The following ZFAND6 variants were observed in gnomAD, a reference collection of about 807,000 sequenced individuals.
ZFAND6 encodes zinc finger AN1-type containing 6, also known as AN1-type zinc finger protein 6.
ZFAND6 carries 12 observed loss-of-function variants against 24.5 expected under a neutral mutation model. The observed-to-expected ratio is 0.49, with a 90% CI of 0.31 to 0.79. The LOEUF (loss-of-function observed/expected upper bound fraction) is 0.79, where lower values mean the gene tolerates loss of function less well. Among genes scored for constraint, ZFAND6 ranks in the 30% least tolerant of loss-of-function variants. ZFAND6 has a pLI of 0.04. For missense variants in ZFAND6, 207 were observed against 245.9 expected (o/e 0.84, Z 1.06); for synonymous variants, 92 against 81.5 (o/e 1.13, Z -0.69).
At chr15:80,085,508 C>G (rs899013971) in intron 1 of ZFAND6, among the ~76,000 whole-genome samples, 2 of 152,176 alleles carry the variant, frequency 1.3e-5, no homozygotes, top group Non-Finnish European at 2.9e-5. Flanking sequence ...AAAACAGTTC[C>G]ACTTCTGAAC....
At chr15:80,080,347 T>G (rs2037587098) in intron 1 of ZFAND6, among the ~76,000 whole-genome samples, 1 of 152,206 alleles carries the variant, frequency 6.6e-6, no homozygotes, top group Non-Finnish European at 1.5e-5. Flanking sequence ...AAATTATATA[T>G]ACAGTAGTTG....
intron 1 of ZFAND6, chr15:80,072,417 T>G (rs1349758390): frequency 6.6e-6 from 1 of 151,758 alleles, no homozygotes; most frequent in African/African-American, 2.4e-5. Context: ...ATCCAGGAGG[T>G]TTTAGTGTGT....
At chr15:80,114,694 G>T (rs907782437) in intron 2 of ZFAND6, among the ~76,000 whole-genome samples, 2 of 152,116 alleles carry the variant, frequency 1.3e-5, no homozygotes, top group Non-Finnish European at 2.9e-5. Flanking sequence ...AGTTTATGTT[G>T]CCATCATTAC....
intron 1 of ZFAND6, among the ~76,000 whole-genome samples, chr15:80,080,060 G>T (rs2037561101): frequency 1.3e-5 from 2 of 151,384 alleles, no homozygotes; most frequent in East Asian, 1.9e-4. Context: ...GTGCAGTGGT[G>T]CAATCTCCAG....
At chr15:80,135,626 T>A (rs2040826997) in intron 6 of ZFAND6, among the ~76,000 whole-genome samples, 1 of 152,180 alleles carries the variant, frequency 6.6e-6, no homozygotes, top group South Asian at 2.1e-4. Context: ...AGAAAGGAAG[T>A]TAGAGTTTAA....
intron 1 of ZFAND6, among the ~76,000 whole-genome samples, chr15:80,086,852 A>T (rs541816788): frequency 6.6e-6 from 1 of 152,202 alleles, no homozygotes; most frequent in Non-Finnish European, 1.5e-5. Context: ...GGTAACCAAC[A>T]TTGTTTCTGT....
At chr15:80,099,874 C>T (rs746114457) in intron 2 of ZFAND6, among the ~76,000 whole-genome samples, 2 of 152,100 alleles carry the variant, frequency 1.3e-5, no homozygotes, top group African/African-American at 2.4e-5. Flanking sequence ...GCCTTGGCCT[C>T]CCAAAGTGCT....
intron 1 of ZFAND6, among the ~76,000 whole-genome samples, chr15:80,094,808 G>A (rs766028879): frequency 2.6e-5 from 4 of 151,746 alleles, no homozygotes; most frequent in Non-Finnish European, 5.9e-5. Context: ...TGTGTGAGAC[G>A]GGGTTTTGCT....
At chr15:80,122,652 T>A in intron 4 of ZFAND6, 48 bp from the exon 5 acceptor site, 1 of 1,195,292 alleles carries the variant, frequency 8.4e-7, no homozygotes, top group Non-Finnish European at 1.2e-6. Flanking sequence ...TTAGTTAATA[T>A]TCATGTGTAG....
intron 1 of ZFAND6, among the ~76,000 whole-genome samples, chr15:80,064,806 A>G (rs1433025414): frequency 4.6e-5 from 7 of 151,868 alleles, no homozygotes; most frequent in South Asian, 2.1e-4. Flanking sequence ...ATGCCTGGCA[A>G]TTTTTTGTGG....
chr15:80,064,607 T>TACACACAC (rs9302291), intron 1 of ZFAND6, among the ~76,000 whole-genome samples: 3 of 150,712 alleles, frequency 2.0e-5, no homozygotes, highest in African/African-American at 7.3e-5. Context: ...CATGTATACA[T>TACACACAC]ACACACACAC....
At chr15:80,068,173 G>T (rs1333789940) in intron 1 of ZFAND6, among the ~76,000 whole-genome samples, 1 of 150,524 alleles carries the variant, frequency 6.6e-6, no homozygotes, top group African/African-American at 2.4e-5. Flanking sequence ...TTGAGACATG[G>T]TGTTGCCTTT....
At position 80,112,195 on chromosome 15, in the gene ZFAND6, G is replaced by C. The variant is rs369517696; in HGVS notation, c.-17-8133G>C. Among the ~76,000 whole-genome samples, 29 of 152,222 alleles carry C rather than the reference G, an allele frequency of 1.9e-4. No individual in the cohort carries two copies. The East Asian group carries it at 4.9e-3, about 26-fold the overall frequency. On this transcript the variant is annotated intron_variant, in intron 2 of 6. Coordinates refer to ENST00000261749, the MANE Select transcript of ZFAND6 (RefSeq NM_019006.4). ...GAATTGCTTGAACCTGGGAGGCAGA[G>C]GTTGCAGTGAGCCGAGACTGCGCCA...
At chr15:80,117,777 A>G (rs1050819284) in intron 2 of ZFAND6, among the ~76,000 whole-genome samples, 1 of 152,156 alleles carries the variant, frequency 6.6e-6, no homozygotes, top group African/African-American at 2.4e-5. Flanking sequence ...GGTGATGAAG[A>G]GTTGACTACT....
chr15:80,110,624 A>G (rs544528551), intron 2 of ZFAND6, among the ~76,000 whole-genome samples: 63 of 152,162 alleles, frequency 4.1e-4, no homozygotes, highest in African/African-American at 1.4e-3. Context: ...AAAAAACTGT[A>G]TAATTTAGAA....
At chr15:80,083,907 C>T (rs1220939376) in intron 1 of ZFAND6, among the ~76,000 whole-genome samples, 2 of 152,106 alleles carry the variant, frequency 1.3e-5, no homozygotes, top group Non-Finnish European at 1.5e-5. Flanking sequence ...GGAAAAATGG[C>T]AGGAGAATGA....
intron 2 of ZFAND6, among the ~76,000 whole-genome samples, chr15:80,119,584 T>TA (rs1203772427): frequency 1.3e-3 from 123 of 93,794 alleles, no homozygotes; most frequent in African/African-American, 3.7e-3. Context: ...TCATGCTTTT[T>TA]TAAAAAAAAA....
chr15:80,061,506 C>T (rs1291103389), intron 1 of ZFAND6, among the ~76,000 whole-genome samples: 3 of 152,204 alleles, frequency 2.0e-5, no homozygotes, highest in Non-Finnish European at 1.5e-5. Context: ...AGTTTCTTAT[C>T]TGTGCAGTGG....
In ZFAND6 at chr15:80,134,614, G is replaced by GA. The variant is rs560197011; in HGVS notation, c.479-2865dup. On this transcript the variant is annotated intron_variant, in intron 6 of 6. Coordinates refer to ENST00000261749, the MANE Select transcript of ZFAND6 (RefSeq NM_019006.4). Reference sequence around the variant, plus strand: ...CTCCAGATGTTGTGTGACTTCACAGGATGGAAATCATGATAGAGATTGTGG... The same window carrying GA: ...CTCCAGATGTTGTGTGACTTCACAGGAATGGAAATCATGATAGAGATTGTGG... Among the ~76,000 whole-genome samples the GA allele has an allele frequency of 1.7e-3, 258 of 152,318 alleles. 2 individuals are homozygous for GA. Among genetic ancestry groups the GA allele is most frequent in the South Asian group, 1.0e-2 (48 of 4,824 alleles).
Sources: allele counts gnomAD v4.1 joint callset (sites outside exome capture counted in the v4.1 genomes callset), GRCh38; gene constraint gnomAD v4.1.1; transcripts MANE v1.5; gene names NCBI Gene and HGNC (gene_info 2026-07-23, HGNC 2026-07-21).